Variants in ACAN observed in about 807,000 individuals in gnomAD.
ACAN encodes aggrecan core protein.
In ACAN, 47 loss-of-function variants were observed where a neutral mutation model predicts 169.1. The ratio of observed to expected loss-of-function variants is 0.28; its 90% CI spans 0.22 to 0.35. The LOEUF (loss-of-function observed/expected upper bound fraction) is 0.35. Among genes scored for constraint, ACAN ranks in the 10% least tolerant of loss-of-function variants. ACAN has a pLI of 1.00. For missense variants in ACAN, 2,716 were observed against 2,759.9 expected (o/e 0.98, Z 0.36); for synonymous variants, 1,115 against 1,112.2 (o/e 1.00, Z -0.05).
chr15:88,817,075 T>C (rs906752539), intron 1 of ACAN, among the ~76,000 whole-genome samples: 1 of 152,192 alleles, frequency 6.6e-6, no homozygotes, highest in South Asian at 2.1e-4. Context: ...ACTCCTGCTC[T>C]CCTAATGACC....
chr15:88,853,736 T>TGATA lies in ACAN; in HGVS notation c.2267-1099_2267-1096dup, dbSNP rs757862774. Among the ~76,000 whole-genome samples, 85 of 141,776 alleles carry TGATA rather than the reference T, an allele frequency of 6.0e-4. 1 individual carries two copies. In the East Asian group the frequency reaches 0.01, roughly 17 times the overall value. 93.0% of individuals were successfully genotyped at this position (141,776 alleles called of 152,430 possible). ...TGTGTTTCATAGATAAATAGATAGA[T>TGATA]GATAGATAGATAGATAGATACATAC... On this transcript the variant is annotated intron_variant, in intron 11 of 18. Coordinates refer to ENST00000560601, the MANE Select transcript of ACAN (RefSeq NM_001369268.1).
chr15:88,809,302 C>T (rs747147421), intron 1 of ACAN, among the ~76,000 whole-genome samples: 7 of 152,080 alleles, frequency 4.6e-5, no homozygotes, highest in Non-Finnish European at 1.0e-4. Context: ...GGGAGGAGCA[C>T]TGCACTTGGA....
chr15:88,844,590 C>G (rs942677105), intron 6 of ACAN, among the ~76,000 whole-genome samples: 5 of 152,248 alleles, frequency 3.3e-5, no homozygotes, highest in Non-Finnish European at 7.4e-5. Context: ...CCAGGCTGGT[C>G]TTGAACTCCT....
chr15:88,859,250 G>GGACCCAGCA lies in ACAN; in HGVS notation c.6674_6682dup (p.Gln2225_Gln2227dup), dbSNP rs1897141532. The stretch of plus-strand genomic sequence containing the variant: ...AGCACCAGCATCCCAGAGTCTGAGT[G>GGACCCAGCA]GACCCAGCAGACCCAGCGCCCTGCA... On this transcript the variant is annotated inframe_insertion, in exon 12 of 19. Coordinates refer to ENST00000560601, the MANE Select transcript of ACAN (RefSeq NM_001369268.1). 1 of 1,613,802 alleles carries GGACCCAGCA rather than the reference G, an allele frequency of 6.2e-7. No homozygotes were observed. Among genetic ancestry groups the GGACCCAGCA allele is most frequent in the Non-Finnish European group, 8.5e-7 (1 of 1,179,904 alleles).
At chr15:88,847,603 G>A (rs916334520) in intron 8 of ACAN, among the ~76,000 whole-genome samples, 186 bp downstream of exon 8, 5 of 152,144 alleles carry the variant, frequency 3.3e-5, no homozygotes, top group African/African-American at 1.2e-4. Context: ...TCAGTTCTTG[G>A]TCATTTCTCC....
At chr15:88,854,013 G>A (rs1475620012) in intron 11 of ACAN, among the ~76,000 whole-genome samples, 2 of 152,220 alleles carry the variant, frequency 1.3e-5, no homozygotes, top group Non-Finnish European at 2.9e-5. Flanking sequence ...AGGTTAAAAT[G>A]CAGTGTGGCT....
chr15:88,852,123 C>A, intron 11 of ACAN, 90 bp downstream of exon 11: 1 of 1,488,370 alleles, frequency 6.7e-7, no homozygotes, highest in East Asian at 2.5e-5. Flanking sequence ...GGGTTCCCTC[C>A]CTGGGATTTG....
intron 12 of ACAN, 58 bp downstream of exon 12, chr15:88,859,475 G>T (rs1897149158): frequency 6.5e-7 from 1 of 1,549,658 alleles, no homozygotes. Flanking sequence ...GTAGCCTACT[G>T]CAGCACAGAA....
Position 88,849,889 on chromosome 15 carries a change from C to A in ACAN, c.2026+158C>A. The A allele has an allele frequency of 1.9e-6, 2 of 1,072,510 alleles. No homozygotes were observed. Among genetic ancestry groups the A allele is most frequent in the Non-Finnish European group, 1.4e-6 (1 of 721,158 alleles). 66.4% of individuals were successfully genotyped at this position (1,072,510 alleles called of 1,614,324 possible). A position where few individuals can be genotyped will look rare whatever the true frequency, so the allele number is the denominator to read the frequency against. On this transcript the variant is annotated intron_variant, in intron 10 of 18. Transcript: ENST00000560601. This position sits in a 1 kb window ranked among gnomAD's most constrained non-coding sequence, Gnocchi z 5.1. ...AGCTCTGAAACCAGCACAACGCAGG[C>A]TTTGACCCCAAGGCAAGGTCATCCT...
chr15:88,837,701 A>G (rs1896539166), intron 2 of ACAN, among the ~76,000 whole-genome samples: 1 of 152,178 alleles, frequency 6.6e-6, no homozygotes, highest in South Asian at 2.1e-4. Flanking sequence ...TGCCTGTGGA[A>G]GGGGCCAGTG....
intron 13 of ACAN, among the ~76,000 whole-genome samples, chr15:88,865,081 C>T (rs559158319): frequency 6.6e-6 from 1 of 152,204 alleles, no homozygotes; most frequent in East Asian, 1.9e-4. Flanking sequence ...TCTCTACTCC[C>T]CTGGCCTTTA....
At chr15:88,809,001 T>A (rs1895755130) in intron 1 of ACAN, among the ~76,000 whole-genome samples, 1 of 152,226 alleles carries the variant, frequency 6.6e-6, no homozygotes, top group Non-Finnish European at 1.5e-5. Flanking sequence ...AAGTCAGTTA[T>A]CCTCTCTGAG....
intron 1 of ACAN, among the ~76,000 whole-genome samples, chr15:88,820,893 T>C (rs1896059720): frequency 1.3e-5 from 2 of 152,156 alleles, no homozygotes; most frequent in Non-Finnish European, 2.9e-5. Flanking sequence ...GAAAGAGGTT[T>C]AAATGACTCA....
intron 1 of ACAN, among the ~76,000 whole-genome samples, chr15:88,806,822 C>T (rs1376755213): frequency 6.6e-6 from 1 of 152,112 alleles, no homozygotes; most frequent in Non-Finnish European, 1.5e-5. Context: ...ATTTGTCCAA[C>T]TGCAGGTTGT....
intron 7 of ACAN, among the ~76,000 whole-genome samples, chr15:88,846,298 G>A (rs1896790514): frequency 6.6e-6 from 1 of 152,172 alleles, no homozygotes; most frequent in Non-Finnish European, 1.5e-5. Context: ...GACCTCCCAG[G>A]ACAAAGGCCA....
Position 88,856,917 on chromosome 15 carries a change from A to C in ACAN, c.4332A>C (p.Gly1444=). 6.2e-7 allele frequency: 1 copy of C among 1,604,770 alleles called. No individual in the cohort carries two copies. The highest frequency in any genetic ancestry group is 8.5e-7 in the Non-Finnish European group (1 of 1,174,656). The change falls in exon 12 of 19, where the codon GGA becomes GGC. Residue 1444 remains glycine, a synonymous_variant. Coordinates refer to ENST00000560601, the MANE Select transcript of ACAN (RefSeq NM_001369268.1). ...SGEVLETTAP[G]VEEISGLPSG... is the part of the protein sequence containing the mutation. ...AAGTTCTAGAGACTACTGCCCCTGGAGTAGAGGAGATCAGCGGGCTTCCTT... is the reference window on the plus strand; with the variant it reads ...AAGTTCTAGAGACTACTGCCCCTGGCGTAGAGGAGATCAGCGGGCTTCCTT...
chr15:88,845,962 G>C, intron 7 of ACAN, 80 bp downstream of exon 7: 1 of 1,389,560 alleles, frequency 7.2e-7, no homozygotes, highest in Non-Finnish European at 9.4e-7. Context: ...GCAGTTGAAG[G>C]CTGTACCTTC....
At chr15:88,821,524 T>A (rs1428940014) in intron 1 of ACAN, among the ~76,000 whole-genome samples, 1 of 152,192 alleles carries the variant, frequency 6.6e-6, no homozygotes, top group African/African-American at 2.4e-5. Flanking sequence ...CATCTATAGT[T>A]CCCTGTCAGC....
intron 1 of ACAN, among the ~76,000 whole-genome samples, chr15:88,811,524 G>A (rs1419021691): frequency 6.6e-6 from 1 of 152,172 alleles, no homozygotes; most frequent in Non-Finnish European, 1.5e-5. Flanking sequence ...GCCATGCTGG[G>A]TACTCATTTT....
Sources: allele counts gnomAD v4.1 joint callset (sites outside exome capture counted in the v4.1 genomes callset), GRCh38; gene constraint gnomAD v4.1.1; non-coding constraint Gnocchi (gnomAD v3.1); transcripts MANE v1.5; gene names NCBI Gene and HGNC (gene_info 2026-07-23, HGNC 2026-07-21).